Variants in SLCO3A1 observed in about 807,000 individuals in gnomAD.
SLCO3A1 encodes the protein PGE1 transporter.
Under a neutral mutation model 63.1 loss-of-function variants are expected in SLCO3A1, and 27 were observed. The ratio of observed to expected loss-of-function variants is 0.43; its 90% CI spans 0.32 to 0.59. The LOEUF is 0.59. Among genes scored for constraint, SLCO3A1 ranks in the 20% least tolerant of loss-of-function variants. The pLI is 0.09. For synonymous variants in SLCO3A1, 473 were observed against 409.9 expected (o/e 1.15, Z -1.86); for missense variants, 773 against 945.8 (o/e 0.82, Z 2.40).
intron 1 of SLCO3A1, among the ~76,000 whole-genome samples, chr15:91,903,800 G>A (rs1259655175): frequency 6.6e-6 from 1 of 152,200 alleles, no homozygotes; most frequent in Non-Finnish European, 1.5e-5. Flanking sequence ...GTTTGACTGA[G>A]GTGTACCGAG....
rs2048473984 is a variant in SLCO3A1, at chr15:92,164,203, T to G, written c.*1068T>G. The G allele has an allele frequency of 1.0e-6, 1 of 985,208 alleles. No individual in the cohort carries two copies. Among genetic ancestry groups the G allele is most frequent in the African/African-American group, 1.7e-5 (1 of 57,240 alleles). 61.0% of individuals were successfully genotyped at this position (985,208 alleles called of 1,614,324 possible). A position where few individuals can be genotyped will look rare whatever the true frequency, so the allele number is the denominator to read the frequency against. ...TTTTACTTTTTTTCTCCTTTTTTAA[T>G]GCACCAAAAATATGTGATACAAGGG... On this transcript the variant is annotated 3_prime_UTR_variant, in exon 10 of 10. Transcript: ENST00000318445.
At chr15:91,895,432 G>A (rs1359751652) in intron 1 of SLCO3A1, among the ~76,000 whole-genome samples, 1 of 152,174 alleles carries the variant, frequency 6.6e-6, no homozygotes, top group Non-Finnish European at 1.5e-5. Flanking sequence ...TAGGATTTAG[G>A]GCTGTTTTAA....
chr15:92,065,633 T>G (rs1247494389), intron 2 of SLCO3A1, among the ~76,000 whole-genome samples: 1 of 152,168 alleles, frequency 6.6e-6, no homozygotes, highest in African/African-American at 2.4e-5. Context: ...GTGGCCCCTA[T>G]TTCCTGCAGT....
chr15:91,857,266 C>A (rs780958457), intron 1 of SLCO3A1, among the ~76,000 whole-genome samples: 1 of 152,118 alleles, frequency 6.6e-6, no homozygotes, highest in Non-Finnish European at 1.5e-5. Context: ...AGACACTGAT[C>A]CTGAAAGCCA....
intron 9 of SLCO3A1, among the ~76,000 whole-genome samples, chr15:92,159,957 G>A (rs1350958850): frequency 6.6e-6 from 1 of 152,086 alleles, no homozygotes; most frequent in Non-Finnish European, 1.5e-5. Context: ...GACCTGGTTT[G>A]CACCGACCTG....
chr15:92,026,133 C>A (rs2046571346), intron 2 of SLCO3A1, among the ~76,000 whole-genome samples: 1 of 152,162 alleles, frequency 6.6e-6, no homozygotes. Flanking sequence ...CACCACCAGT[C>A]ACCAAGTGTA....
At chr15:91,972,446 C>T (rs28709758) in intron 2 of SLCO3A1, among the ~76,000 whole-genome samples, 2,700 of 152,228 alleles carry the variant, frequency 0.018, 90 homozygotes, top group African/African-American at 0.06. Flanking sequence ...CGTGAGGGTA[C>T]ACCTAGGACA....
At chr15:91,920,224 T>C (rs1898797750) in intron 2 of SLCO3A1, among the ~76,000 whole-genome samples, 1 of 152,162 alleles carries the variant, frequency 6.6e-6, no homozygotes, top group South Asian at 2.1e-4. Context: ...CTGAAAGTGA[T>C]GCTTATTTCA....
chr15:92,136,927 A>G (rs2048064862), intron 7 of SLCO3A1, among the ~76,000 whole-genome samples: 2 of 146,190 alleles, frequency 1.4e-5, no homozygotes, highest in South Asian at 4.3e-4. Flanking sequence ...CTACCTTTTT[A>G]TGGCTATATA....
intron 2 of SLCO3A1, among the ~76,000 whole-genome samples, chr15:91,931,534 G>C (rs1351438693): frequency 6.6e-6 from 1 of 151,140 alleles, no homozygotes; most frequent in East Asian, 2.0e-4. Flanking sequence ...GCAATGGTGC[G>C]ATCTTGGCTC....
rs2151504316 is a variant in SLCO3A1, at chr15:92,059,142, C to T, written c.647-35739C>T. On this transcript the variant is annotated intron_variant, in intron 2 of 9. Transcript: ENST00000318445. The stretch of plus-strand genomic sequence containing the variant: ...AGTTGGAAGTCTCGGGGTAACTGAG[C>T]TTTCCCCTTTCCATCTCCACCCTCT... Among the ~76,000 whole-genome samples the T allele has an allele frequency of 3.3e-5, 5 of 152,360 alleles. No individual in the cohort carries two copies. In the South Asian group the frequency reaches 1.0e-3, roughly 32 times the overall value.
At chr15:92,068,023 A>T (rs1284997445) in intron 2 of SLCO3A1, among the ~76,000 whole-genome samples, 1 of 151,862 alleles carries the variant, frequency 6.6e-6, no homozygotes, top group East Asian at 1.9e-4. Flanking sequence ...TGACCTGATC[A>T]CCTCGCAAGG....
rs34029747 is a variant in SLCO3A1, at chr15:92,163,556, T to TAAA, written c.*431_*433dup. 12 of 616,018 alleles carry TAAA rather than the reference T, an allele frequency of 1.9e-5. No individual in the cohort carries two copies. In the Admixed American group the frequency reaches 7.6e-4, roughly 39 times the overall value. The allele number at this position is 616,018 out of a possible 1,614,324, so 38.2% of individuals were successfully genotyped here. ...AGAAGTTTCCTAAAATAAAAAAAAT[T>TAAA]AAAAAAAAAAAACCCACAAGTTGAA... On this transcript the variant is annotated 3_prime_UTR_variant, in exon 10 of 10. Coordinates refer to ENST00000318445, the MANE Select transcript of SLCO3A1 (RefSeq NM_013272.4).
intron 2 of SLCO3A1, among the ~76,000 whole-genome samples, chr15:91,946,101 G>A (rs1006541636): frequency 3.9e-5 from 6 of 152,226 alleles, no homozygotes; most frequent in African/African-American, 1.4e-4. Context: ...CATGGATTCA[G>A]TATGGACTTC....
At chr15:92,039,208 A>G (rs2046765372) in intron 2 of SLCO3A1, among the ~76,000 whole-genome samples, 1 of 152,220 alleles carries the variant, frequency 6.6e-6, no homozygotes, top group African/African-American at 2.4e-5. Context: ...AGCAATTACA[A>G]CAAAACCCAA....
At chr15:92,028,092 A>G (rs1439178070) in intron 2 of SLCO3A1, among the ~76,000 whole-genome samples, 2 of 152,190 alleles carry the variant, frequency 1.3e-5, no homozygotes, top group African/African-American at 4.8e-5. Context: ...TGCTGTTTAT[A>G]CTGGGTGCCT....
intron 1 of SLCO3A1, among the ~76,000 whole-genome samples, chr15:91,895,395 A>C (rs1897978418): frequency 6.6e-6 from 1 of 152,226 alleles, no homozygotes; most frequent in Non-Finnish European, 1.5e-5. Flanking sequence ...GTTTAATGTG[A>C]TGCATATTTG....
chr15:92,166,609 A>G (rs1002258207), downstream of SLCO3A1, among the ~76,000 whole-genome samples: 1 of 152,204 alleles, frequency 6.6e-6, no homozygotes, highest in Non-Finnish European at 1.5e-5. Context: ...AAGCCTGCAG[A>G]AACGTTCCAC....
intron 2 of SLCO3A1, among the ~76,000 whole-genome samples, chr15:92,084,666 A>G (rs1353490172): frequency 3.3e-5 from 5 of 152,194 alleles, no homozygotes; most frequent in East Asian, 1.9e-4. Context: ...TCTCAGGGGC[A>G]TAAAGAGTTT....
Sources: allele counts gnomAD v4.1 joint callset (sites outside exome capture counted in the v4.1 genomes callset), GRCh38; gene constraint gnomAD v4.1.1; transcripts MANE v1.5; gene names NCBI Gene and HGNC (gene_info 2026-07-23, HGNC 2026-07-21).